SYT1: variants seen among roughly 807,000 people sequenced by gnomAD.
SYT1 encodes the protein synaptotagmin 1, also known as synaptotagmin-1.
Under a neutral mutation model 44.8 loss-of-function variants are expected in SYT1, and 8 were observed. The observed-to-expected ratio is 0.18, with a 90% CI of 0.10 to 0.32. The LOEUF (loss-of-function observed/expected upper bound fraction) is 0.32, where lower values mean the gene tolerates loss of function less well. Ranked by LOEUF, SYT1 falls within the 10% of genes least tolerant of loss-of-function variation. SYT1 has a pLI of 1.00. For missense variants in SYT1, 286 were observed against 509.3 expected, an observed-to-expected ratio of 0.56 and a Z score of 4.22; for synonymous variants, 154 against 188.8, an observed-to-expected ratio of 0.82 and a Z score of 1.51.
In SYT1 at chr12:79,178,909, C is replaced by CAGATATAGATATAGATATATCTATAT. The variant is rs1565840747; in HGVS notation, c.-17-38574_-17-38549dup. On this transcript the variant is annotated intron_variant, in intron 3 of 10. Transcript: ENST00000261205. ...GATTTCATGCATGCGCCACCACACC[C>CAGATATAGATATAGATATATCTATAT]AGATATAGATATAGATATATCTATA... 8.1e-5 allele frequency among the ~76,000 whole-genome samples: 11 copies of CAGATATAGATATAGATATATCTATAT among 135,800 alleles called. 2 individuals are homozygous for CAGATATAGATATAGATATATCTATAT. The highest frequency in any genetic ancestry group is 9.4e-5 in the Non-Finnish European group (6 of 64,170). The allele number at this position is 135,800 out of a possible 152,430, so 89.1% of individuals were successfully genotyped here.
At chr12:79,442,592 CCCTAAATAAGTT>C (rs1870489970) in intron 9 of SYT1, among the ~76,000 whole-genome samples, 2 of 152,056 alleles carry the variant, frequency 1.3e-5, no homozygotes, top group African/African-American at 4.8e-5. Context: ...CAGGCTGAGG[CCCTAAATAAGTT>C]CCACTTATTC....
At chr12:79,291,765 G>T (rs891304947) in intron 5 of SYT1, 1 of 595,180 alleles carries the variant, frequency 1.7e-6, no homozygotes, top group Admixed American at 2.2e-5. Context: ...TTTTTTGCTT[G>T]CAATATTCTG....
At chr12:79,183,741 T>C (rs987576227) in intron 3 of SYT1, among the ~76,000 whole-genome samples, 28 of 152,192 alleles carry the variant, frequency 1.8e-4, no homozygotes, top group African/African-American at 6.5e-4. Flanking sequence ...AGGTTAGATA[T>C]GTACCTTCTA....
chr12:79,192,562 A>G (rs960677019), intron 3 of SYT1, among the ~76,000 whole-genome samples: 1 of 152,124 alleles, frequency 6.6e-6, no homozygotes, highest in African/African-American at 2.4e-5. Context: ...AATATCTACA[A>G]TGTGGAGGGT....
At chr12:79,363,636 G>A (rs1883416009) in intron 9 of SYT1, among the ~76,000 whole-genome samples, 1 of 151,662 alleles carries the variant, frequency 6.6e-6, no homozygotes, top group Non-Finnish European at 1.5e-5. Flanking sequence ...ATGGGAAGCT[G>A]AGGTGAGAAG....
chr12:79,038,752 G>A (rs956157837), intron 2 of SYT1, among the ~76,000 whole-genome samples: 1 of 151,886 alleles, frequency 6.6e-6, no homozygotes, highest in Non-Finnish European at 1.5e-5. Context: ...TCCATCATGG[G>A]TTAAAGGGAT....
At chr12:79,154,633 G>A (rs765825441) in intron 3 of SYT1, among the ~76,000 whole-genome samples, 6 of 152,170 alleles carry the variant, frequency 3.9e-5, no homozygotes, top group Non-Finnish European at 5.9e-5. Context: ...GTAGAGTGAA[G>A]CATTTAGAAA....
intron 3 of SYT1, among the ~76,000 whole-genome samples, chr12:79,106,933 T>G (rs566912735): frequency 3.9e-5 from 6 of 152,222 alleles, no homozygotes; most frequent in African/African-American, 1.4e-4. Context: ...TACATTGTTC[T>G]ATTTTATTTG....
At chr12:79,242,000 C>A (rs1311546016) in intron 4 of SYT1, among the ~76,000 whole-genome samples, 1 of 152,174 alleles carries the variant, frequency 6.6e-6, no homozygotes, top group African/African-American at 2.4e-5. Flanking sequence ...ACTGGCAACA[C>A]CAGAAACTGA....
At chr12:79,104,345 T>C (rs146559731) in intron 3 of SYT1, among the ~76,000 whole-genome samples, 3 of 152,068 alleles carry the variant, frequency 2.0e-5, no homozygotes, top group African/African-American at 7.2e-5. Context: ...AACTTACAAA[T>C]TAGGAGGGAG....
In SYT1 at chr12:79,411,176, C is replaced by T. The variant is rs1009264457; in HGVS notation, c.929-32897C>T. On this transcript the variant is annotated intron_variant, in intron 9 of 10. Coordinates refer to ENST00000261205, the MANE Select transcript of SYT1 (RefSeq NM_005639.3). ...ATCTATCACAAGGAACCTAAGCTGC[C>T]GTCTTTCTCTTCTGCCGTCCTCAGC... is the stretch of plus-strand genomic sequence containing the variant. 2.6e-5 allele frequency among the ~76,000 whole-genome samples: 4 copies of T among 152,172 alleles called. No homozygotes were observed. The South Asian group carries it at 6.2e-4, about 24-fold the overall frequency.
chr12:79,359,017 G>T (rs1011702833), intron 9 of SYT1, among the ~76,000 whole-genome samples: 1 of 152,136 alleles, frequency 6.6e-6, no homozygotes, highest in African/African-American at 2.4e-5. Flanking sequence ...GAAACAGAAT[G>T]TGATCTCACA....
intron 1 of SYT1, among the ~76,000 whole-genome samples, chr12:78,971,214 C>A (rs1323487320): frequency 1.3e-5 from 2 of 152,150 alleles, no homozygotes; most frequent in Non-Finnish European, 2.9e-5. Flanking sequence ...TAATTACTTT[C>A]AGCAAATCTC....
chr12:79,359,285 C>T (rs546400117), intron 9 of SYT1, among the ~76,000 whole-genome samples: 1 of 152,158 alleles, frequency 6.6e-6, no homozygotes, highest in Non-Finnish European at 1.5e-5. Flanking sequence ...GCCTCCTGAA[C>T]ATCAAGGAGC....
chr12:79,401,866 G>T (rs559072463), intron 9 of SYT1, among the ~76,000 whole-genome samples: 4 of 151,952 alleles, frequency 2.6e-5, no homozygotes, highest in Admixed American at 2.6e-4. Context: ...TCATGGTCTT[G>T]CTATGTTGCC....
At chr12:78,977,220 G>T (rs938642219) in intron 1 of SYT1, among the ~76,000 whole-genome samples, 1 of 152,160 alleles carries the variant, frequency 6.6e-6, no homozygotes, top group Admixed American at 6.5e-5. Flanking sequence ...GCTTTAGTAT[G>T]TGCAGTATTT....
intron 8 of SYT1, among the ~76,000 whole-genome samples, chr12:79,301,442 T>G (rs1162260639): frequency 6.6e-6 from 1 of 152,164 alleles, no homozygotes; most frequent in Non-Finnish European, 1.5e-5. Flanking sequence ...CTGACGGGTT[T>G]CACTCTAGAA....
intron 1 of SYT1, among the ~76,000 whole-genome samples, chr12:78,939,368 C>T (rs1425059290): frequency 2.6e-5 from 4 of 152,048 alleles, no homozygotes; most frequent in South Asian, 2.1e-4. Flanking sequence ...TTATTGTTTT[C>T]GCTATTAAAA....
At chr12:79,015,705 T>C (rs2137595891) in intron 2 of SYT1, among the ~76,000 whole-genome samples, 1 of 152,310 alleles carries the variant, frequency 6.6e-6, no homozygotes, top group African/African-American at 2.4e-5. Flanking sequence ...GAAGTTCAAA[T>C]GAAAGCAATT....
Sources: gnomAD v4.1 joint callset for allele counts (sites outside exome capture counted in the v4.1 genomes callset) on GRCh38, gnomAD v4.1.1 for gene constraint, MANE v1.5 for transcripts, NCBI Gene and HGNC (gene_info 2026-07-23, HGNC 2026-07-21) for gene names.